The following ADCY10 variants were observed in gnomAD, a reference collection of about 807,000 sequenced individuals.
The protein encoded by ADCY10 is adenylate cyclase type 10.
Under a neutral mutation model 183.3 loss-of-function variants are expected in ADCY10, and 156 were observed. The observed-to-expected ratio is 0.85, with a 90% confidence interval of 0.75 to 0.97. The LOEUF (loss-of-function observed/expected upper bound fraction) is 0.97, where lower values mean the gene tolerates loss of function less well. ADCY10 is among the 50% of genes least tolerant of loss of function. The pLI is 0.00. For synonymous variants in ADCY10, 645 were observed against 670.0 expected (o/e 0.96, Z 0.58); for missense variants, 1,745 against 1,934.3 (o/e 0.90, Z 1.84).
intron 8 of ADCY10, among the ~76,000 whole-genome samples, chr1:167,887,716 T>A (rs1668321997): frequency 6.6e-6 from 1 of 150,586 alleles, no homozygotes; most frequent in Non-Finnish European, 1.5e-5. Context: ...TAAATAAATA[T>A]AAAAATAAAA....
intron 16 of ADCY10, among the ~76,000 whole-genome samples, chr1:167,857,728 A>C (rs897331884): frequency 6.6e-6 from 1 of 152,244 alleles, no homozygotes; most frequent in African/African-American, 2.4e-5. Context: ...AAGTGGTACT[A>C]TTGAATCTAT....
chr1:167,866,515 G>A (rs549262510), intron 14 of ADCY10, among the ~76,000 whole-genome samples: 1 of 127,820 alleles, frequency 7.8e-6, no homozygotes, highest in Admixed American at 9.1e-5. Context: ...TGACGAAAGT[G>A]CACACTCTAT....
At chr1:167,831,221 G>C (rs1005880764) in intron 25 of ADCY10, among the ~76,000 whole-genome samples, 3 of 151,638 alleles carry the variant, frequency 2.0e-5, no homozygotes, top group African/African-American at 7.3e-5. Flanking sequence ...ACGGAGTCTC[G>C]CTTTATCGCC....
chr1:167,904,328 C>T (rs539467159), intron 2 of ADCY10, among the ~76,000 whole-genome samples: 4 of 152,138 alleles, frequency 2.6e-5, no homozygotes, highest in East Asian at 1.9e-4. Context: ...CCTTGTGATC[C>T]GCCCTCCTCG....
At chr1:167,843,940 T>C (rs1432573464) in intron 21 of ADCY10, among the ~76,000 whole-genome samples, 2 of 152,130 alleles carry the variant, frequency 1.3e-5, no homozygotes, top group Non-Finnish European at 2.9e-5. Context: ...CATTTCTATG[T>C]CTTAGGTCTG....
chr1:167,810,515 C>T (rs1436223830), intron 32 of ADCY10, among the ~76,000 whole-genome samples: 5 of 152,306 alleles, frequency 3.3e-5, no homozygotes, highest in South Asian at 4.1e-4. Context: ...CTGTGAGGAA[C>T]GGACCCTCAC....
intron 6 of ADCY10, among the ~76,000 whole-genome samples, chr1:167,897,014 G>A (rs1009908420): frequency 8.6e-5 from 13 of 151,914 alleles, no homozygotes. Context: ...AATAAAACCT[G>A]GTTAAACTGC....
intron 8 of ADCY10, 84 bp downstream of exon 8, chr1:167,893,769 T>G: frequency 1.3e-6 from 1 of 758,924 alleles, no homozygotes; most frequent in Non-Finnish European, 2.3e-6. Flanking sequence ...TAGTAGCTGC[T>G]GTTTTTTTTT....
At chr1:167,904,846 C>T in intron 2 of ADCY10, 147 bp downstream of exon 2, 8 of 1,022,578 alleles carry the variant, frequency 7.8e-6, no homozygotes, top group Middle Eastern at 4.2e-4. Flanking sequence ...CTATTTCCTC[C>T]CTCTTGTGTT....
intron 18 of ADCY10, among the ~76,000 whole-genome samples, chr1:167,852,775 C>A (rs1289830423): frequency 1.3e-5 from 2 of 150,400 alleles, no homozygotes; most frequent in Non-Finnish European, 3.0e-5. Context: ...GTTTCTTGTT[C>A]CTTAAAAAAA....
chr1:167,837,616 T>G (rs781637036), intron 21 of ADCY10, among the ~76,000 whole-genome samples: 5 of 152,184 alleles, frequency 3.3e-5, no homozygotes, highest in Admixed American at 6.5e-5. Flanking sequence ...AACCCACAAG[T>G]TGGGAGGAGC....
At chr1:167,888,732 G>C (rs1008843767) in intron 8 of ADCY10, among the ~76,000 whole-genome samples, 21 of 151,726 alleles carry the variant, frequency 1.4e-4, no homozygotes, top group African/African-American at 4.6e-4. Flanking sequence ...AAAAATTAGC[G>C]GGGCGTGGTG....
intron 1 of ADCY10, among the ~76,000 whole-genome samples, chr1:167,913,658 C>T (rs75560556): frequency 0.015 from 2,320 of 150,980 alleles, 56 homozygotes; most frequent in African/African-American, 0.052. Flanking sequence ...TTGCCAGAGC[C>T]CCCTTCAAGA....
intron 13 of ADCY10, among the ~76,000 whole-genome samples, chr1:167,873,357 T>C (rs1204370918): frequency 1.3e-5 from 2 of 152,192 alleles, no homozygotes; most frequent in Non-Finnish European, 2.9e-5. Flanking sequence ...AGTGTTTTTT[T>C]GCAGTTCTGG....
intron 26 of ADCY10, among the ~76,000 whole-genome samples, chr1:167,828,476 A>G (rs1663478319): frequency 6.6e-6 from 1 of 152,202 alleles, no homozygotes; most frequent in South Asian, 2.1e-4. Context: ...GAGGCAACAT[A>G]TGTGATACTG....
rs1040854716 is a variant in ADCY10, at chr1:167,878,392, A to G, written c.1406+54T>C. ...AAATGGGTGACTGCTTTGCTATCAT[A>G]ATTCTCCCGCTTCTTTACTAAAATA... On this transcript the variant is annotated intron_variant, in intron 12 of 32. Transcript: ENST00000367851. 3.8e-6 allele frequency: 6 copies of G among 1,582,610 alleles called. No individual in the cohort carries two copies. The African/African-American group carries it at 8.1e-5, about 21-fold the overall frequency.
Position 167,856,398 on chromosome 1 carries a change from G to A in ADCY10, c.1938C>T (p.Ala646=). ...EERIIFIIDE[A]QFVDSTSWRF... ...TCCAGGAGGTCGAATCCACAAACTG[G>A]GCCTCATCAATGATAAAAATAATCC... Residue 646 remains alanine (A), a synonymous_variant, in exon 17 of 33, where the codon GCC becomes GCT. Transcript: ENST00000367851. The A allele has an allele frequency of 6.2e-7, 1 of 1,614,034 alleles. No individual in the cohort carries two copies.
intron 8 of ADCY10, 73 bp downstream of exon 8, chr1:167,893,780 T>C (rs560127765): frequency 6.4e-5 from 65 of 1,011,510 alleles, no homozygotes; most frequent in Non-Finnish European, 9.4e-5. Flanking sequence ...GTTTTTTTTT[T>C]CTTAAATCTT....
At chr1:167,867,244 G>A (rs1000024035) in intron 14 of ADCY10, among the ~76,000 whole-genome samples, 60 of 152,182 alleles carry the variant, frequency 3.9e-4, no homozygotes, top group African/African-American at 1.3e-3. Flanking sequence ...GTGGATGGGA[G>A]CAGCTTCACC....
Sources: allele counts gnomAD v4.1 joint callset (sites outside exome capture counted in the v4.1 genomes callset), GRCh38; gene constraint gnomAD v4.1.1; transcripts MANE v1.5; gene names NCBI Gene and HGNC (gene_info 2026-07-23, HGNC 2026-07-21).